The following GUCY1B1 variants were observed in gnomAD, a reference collection of about 807,000 sequenced individuals.
GUCY1B1 encodes guanylate cyclase soluble subunit beta-1.
In GUCY1B1, 43 loss-of-function variants were observed where a neutral mutation model predicts 71.0. The ratio of observed to expected loss-of-function variants is 0.61; its 90% CI spans 0.47 to 0.78. GUCY1B1 has a LOEUF of 0.78. GUCY1B1 is among the 30% of genes least tolerant of loss of function. GUCY1B1 has a pLI of 0.00. For synonymous variants in GUCY1B1, 266 were observed against 259.7 expected (o/e 1.02, Z -0.23); for missense variants, 535 against 754.1 (o/e 0.71, Z 3.40).
chr4:155,764,614 A>G (rs1228397871), intron 2 of GUCY1B1, among the ~76,000 whole-genome samples: 1 of 152,216 alleles, frequency 6.6e-6, no homozygotes, highest in African/African-American at 2.4e-5. Flanking sequence ...ACACATTAAT[A>G]TACAGACTAA....
intron 2 of GUCY1B1, among the ~76,000 whole-genome samples, chr4:155,766,311 A>T (rs1737329701): frequency 6.6e-6 from 1 of 152,166 alleles, no homozygotes; most frequent in African/African-American, 2.4e-5. Context: ...GATATAATTG[A>T]CAAATAAAAG....
At chr4:155,763,890 GA>G (rs745552658) in intron 2 of GUCY1B1, among the ~76,000 whole-genome samples, 11 of 151,910 alleles carry the variant, frequency 7.2e-5, no homozygotes, top group South Asian at 2.1e-4. Context: ...AATAAATGAT[GA>G]TTTTTTTTTA....
rs1365541638 is a variant in GUCY1B1 at position 155,802,172 on chromosome 4, C to T, written c.1176-170C>T. The T allele has an allele frequency of 8.4e-6, 12 of 1,427,712 alleles. No homozygotes were observed. Among genetic ancestry groups the T allele is most frequent in the Non-Finnish European group, 1.1e-5 (12 of 1,082,922 alleles). 88.4% of individuals were successfully genotyped at this position (1,427,712 alleles called of 1,614,324 possible). ...CAAATAATTTATGTTTTCTGTAAAT[C>T]CTTGCTTATAAATACAGCTAATATT... On this transcript the variant is annotated intron_variant, in intron 9 of 13. Transcript: ENST00000264424. This position sits in a 1 kb window ranked among gnomAD's most constrained non-coding sequence, Gnocchi z 4.3.
In GUCY1B1 at chr4:155,787,029, TC is replaced by T. The variant is rs1055667763; in HGVS notation, c.298-2684del. Reference sequence around the variant, plus strand: ...TGAGAAATGCAGATAAAAATAAAACTCTCTCAGTGATTTTTTTTTTCTCACC... The same window carrying T: ...TGAGAAATGCAGATAAAAATAAAACTTCTCAGTGATTTTTTTTTTCTCACC... On this transcript the variant is annotated intron_variant, in intron 4 of 13. Transcript: ENST00000264424. 5.3e-5 allele frequency among the ~76,000 whole-genome samples: 8 copies of T among 152,122 alleles called. 1 individual carries two copies. The South Asian group carries it at 1.2e-3, about 24-fold the overall frequency.
chr4:155,793,873 T>C lies in GUCY1B1; in HGVS notation c.513T>C (p.Asn171=), dbSNP rs1394955040. The change falls in exon 6 of 14, where the codon AAT becomes AAC. Residue 171 remains asparagine, a synonymous_variant. Coordinates refer to ENST00000264424, the MANE Select transcript of GUCY1B1 (RefSeq NM_000857.5). Reference sequence around the variant, plus strand: ...ATATCCAGGTTATTCAGCAAAGAAATGAAGAATGTGATCATACTCAATTTT... The same window carrying C: ...ATATCCAGGTTATTCAGCAAAGAAACGAAGAATGTGATCATACTCAATTTT... The part of the protein sequence containing the change: ...EIDMKVIQQR[N]EECDHTQFLI... 6.7e-7 allele frequency: 1 copy of C among 1,501,530 alleles called. No individual in the cohort carries two copies. The highest frequency in any genetic ancestry group is 1.7e-5 in the Admixed American group (1 of 59,798). 93.0% of individuals were successfully genotyped at this position (1,501,530 alleles called of 1,614,324 possible). A position where few individuals can be genotyped will look rare whatever the true frequency, so the allele number is the denominator to read the frequency against.
At chr4:155,766,245 T>C (rs1737325734) in intron 2 of GUCY1B1, among the ~76,000 whole-genome samples, 1 of 152,218 alleles carries the variant, frequency 6.6e-6, no homozygotes, top group Non-Finnish European at 1.5e-5. Context: ...ATTCAACTAC[T>C]ATTTAAATAT....
intron 4 of GUCY1B1, chr4:155,785,435 GTA>G (rs1561017412): frequency 3.5e-6 from 2 of 577,520 alleles, no homozygotes; most frequent in African/African-American, 3.9e-5. Context: ...GCTTCTGTGG[GTA>G]TATTTAGAAA....
At chr4:155,791,646 G>C (rs1579237177) in intron 5 of GUCY1B1, among the ~76,000 whole-genome samples, 1 of 150,472 alleles carries the variant, frequency 6.6e-6, no homozygotes, top group South Asian at 2.1e-4. Context: ...CAGAAGAATC[G>C]CTTGAACCCG....
intron 2 of GUCY1B1, among the ~76,000 whole-genome samples, chr4:155,760,493 C>T (rs1318847561): frequency 8.3e-6 from 1 of 119,830 alleles, no homozygotes; most frequent in African/African-American, 3.2e-5. Context: ...TTCTAGGAGG[C>T]ATTCTACTTT....
chr4:155,798,839 CGTT>C (rs111768323), intron 8 of GUCY1B1, among the ~76,000 whole-genome samples: 45 of 151,692 alleles, frequency 3.0e-4, no homozygotes, highest in Non-Finnish European at 4.7e-4. Flanking sequence ...GTTTTGTTGT[CGTT>C]GTTGTTGTTG....
At chr4:155,791,516 G>A (rs1739165069) in intron 5 of GUCY1B1, among the ~76,000 whole-genome samples, 1 of 148,922 alleles carries the variant, frequency 6.7e-6, no homozygotes, top group Non-Finnish European at 1.5e-5. Context: ...GGATCACGAG[G>A]TCAGGAGATT....
rs376686967 is a variant in GUCY1B1 at position 155,791,480 on chromosome 4, T to C, written c.495+1569T>C. ...GCGCAGTGGCTCACGCCTGTAATCC[T>C]AGCACTTTGGGAGGCCAAGGCGGGG... On this transcript the variant is annotated intron_variant, in intron 5 of 13. Coordinates refer to ENST00000264424, the MANE Select transcript of GUCY1B1 (RefSeq NM_000857.5). Among the ~76,000 whole-genome samples the C allele has an allele frequency of 1.3e-3, 188 of 144,854 alleles. 2 individuals carry two copies. Among genetic ancestry groups the C allele is most frequent in the Non-Finnish European group, 2.1e-3 (140 of 65,952 alleles).
At chr4:155,774,016 G>A (rs1269247136) in intron 2 of GUCY1B1, among the ~76,000 whole-genome samples, 1 of 152,124 alleles carries the variant, frequency 6.6e-6, no homozygotes, top group African/African-American at 2.4e-5. Context: ...AATGTTGGCA[G>A]CAGCCTCCTA....
At chr4:155,782,742 A>G (rs892990897) in intron 4 of GUCY1B1, among the ~76,000 whole-genome samples, 2 of 152,188 alleles carry the variant, frequency 1.3e-5, no homozygotes, top group African/African-American at 2.4e-5. Flanking sequence ...TTCCTAGGCT[A>G]GAGTACAGGA....
intron 2 of GUCY1B1, among the ~76,000 whole-genome samples, chr4:155,772,209 T>A (rs1383648060): frequency 6.6e-6 from 1 of 152,174 alleles, no homozygotes; most frequent in East Asian, 1.9e-4. Flanking sequence ...CTGTTTATGT[T>A]TGGAAAAAGG....
chr4:155,775,636 G>A lies in GUCY1B1; in HGVS notation c.178+568G>A, dbSNP rs182781813. ...CAACAGAAAGCCATGTATTCAGGAA[G>A]GAAAGAGAATTATTGATACTTAATG... On this transcript the variant is annotated intron_variant, in intron 3 of 13. Coordinates refer to ENST00000264424, the MANE Select transcript of GUCY1B1 (RefSeq NM_000857.5). 3.9e-5 allele frequency among the ~76,000 whole-genome samples: 6 copies of A among 152,252 alleles called. 1 individual carries two copies. Among genetic ancestry groups the A allele is most frequent in the Admixed American group, 3.3e-4 (5 of 15,292 alleles).
intron 2 of GUCY1B1, among the ~76,000 whole-genome samples, chr4:155,769,087 C>T (rs578200520): frequency 2.0e-5 from 3 of 152,098 alleles, no homozygotes; most frequent in Non-Finnish European, 4.4e-5. Flanking sequence ...ACTACTATAA[C>T]TTACCAGTTA....
chr4:155,759,960 C>A, intron 2 of GUCY1B1, 100 bp downstream of exon 2: 2 of 835,206 alleles, frequency 2.4e-6, no homozygotes, highest in South Asian at 1.6e-5. Flanking sequence ...GGGTCGCGGG[C>A]GCGCATCCTT....
chr4:155,776,677 TA>T lies in GUCY1B1; in HGVS notation c.179-839del, dbSNP rs560085367. ...AAAGTGAGACTCTGTCTCAAAAAAC[TA>T]AAAAAAATGTGATACAGAAAATTTA... On this transcript the variant is annotated intron_variant, in intron 3 of 13. Transcript: ENST00000264424. 7.7e-3 allele frequency among the ~76,000 whole-genome samples: 1,174 copies of T among 151,582 alleles called. 18 individuals are homozygous for T. Among genetic ancestry groups the T allele is most frequent in the African/African-American group, 0.027 (1,117 of 41,332 alleles).
Sources: allele counts gnomAD v4.1 joint callset (sites outside exome capture counted in the v4.1 genomes callset), GRCh38; gene constraint gnomAD v4.1.1; non-coding constraint Gnocchi (gnomAD v3.1); transcripts MANE v1.5; gene names NCBI Gene and HGNC (gene_info 2026-07-23, HGNC 2026-07-21).